Variants in AHCYL1 observed in about 807,000 individuals in gnomAD.
AHCYL1 encodes adenosylhomocysteinase like 1, also known as S-adenosylhomocysteine hydrolase-like protein 1.
In AHCYL1, 20 loss-of-function variants were observed where a neutral mutation model predicts 79.3. The ratio of observed to expected loss-of-function variants is 0.25; its 90% CI spans 0.18 to 0.37. AHCYL1 has a LOEUF of 0.37. Among genes scored for constraint, AHCYL1 ranks in the 10% least tolerant of loss-of-function variants. The pLI is 1.00. For missense variants in AHCYL1, 330 were observed against 673.6 expected, an observed-to-expected ratio of 0.49 and a Z score of 5.65; for synonymous variants, 223 against 242.2, an observed-to-expected ratio of 0.92 and a Z score of 0.74.
chr1:109,989,479 G>A lies in AHCYL1; in HGVS notation c.120+4307G>A, dbSNP rs527482054. On this transcript the variant is annotated intron_variant, in intron 1 of 16. Coordinates refer to ENST00000369799, the MANE Select transcript of AHCYL1 (RefSeq NM_006621.7). The stretch of plus-strand genomic sequence containing the variant: ...AGCGATCTTCCCACCTCAGCCTCCC[G>A]AAGTGCTGGGATTACAGGCAAGAGC... Among the ~76,000 whole-genome samples, 244 of 152,142 alleles carry A rather than the reference G, an allele frequency of 1.6e-3. 2 individuals are homozygous for A. Among genetic ancestry groups the A allele is most frequent in the East Asian group, 4.3e-3 (22 of 5,170 alleles).
At chr1:109,985,624 G>A in intron 1 of AHCYL1, 5 of 893,636 alleles carry the variant, frequency 5.6e-6, no homozygotes, top group Non-Finnish European at 6.7e-6. Context: ...GTGATAGCTG[G>A]GAGGCAAGAG....
intron 2 of AHCYL1, among the ~76,000 whole-genome samples, chr1:110,009,424 G>A (rs1016187548): frequency 5.3e-5 from 8 of 152,228 alleles, no homozygotes; most frequent in Non-Finnish European, 1.0e-4. Context: ...ACATTGATCC[G>A]CCCATTTCAA....
intron 1 of AHCYL1, among the ~76,000 whole-genome samples, chr1:109,990,689 C>G (rs535260760): frequency 6.6e-6 from 1 of 152,228 alleles, no homozygotes; most frequent in South Asian, 2.1e-4. Flanking sequence ...GATCTTAGAG[C>G]TTTTGATGGA....
chr1:110,018,298 A>G (rs933533508), intron 11 of AHCYL1, 75 bp from the exon 12 acceptor site: 24 of 1,424,016 alleles, frequency 1.7e-5, no homozygotes, highest in African/African-American at 2.8e-5. Context: ...CTGGTCTCCT[A>G]TGTTCTACCT....
At chr1:110,008,968 T>G (rs1557769091) in intron 1 of AHCYL1, 66 bp from the exon 2 acceptor site, 1 of 1,084,510 alleles carries the variant, frequency 9.2e-7, no homozygotes, top group East Asian at 3.0e-5. Context: ...AATGTATCCT[T>G]AAAAAAAAAA....
chr1:110,018,896 A>G (rs1014943055), intron 13 of AHCYL1, 155 bp from the exon 14 acceptor site: 1 of 789,212 alleles, frequency 1.3e-6, no homozygotes. Context: ...TTTGCAGAAA[A>G]TAGGAAAAAG....
chr1:110,012,430 G>A lies in AHCYL1; in HGVS notation c.445G>A (p.Val149Met), dbSNP rs752138598. Residue 149 changes from valine to methionine, a missense_variant, in exon 4 of 17, where the codon GTG becomes ATG. By Grantham distance (21) the Val-to-Met change is conservative. This residue lies in a region of AHCYL1 where 97 missense variants were observed against 176.3 expected (regional missense o/e 0.55). Transcript: ENST00000369799. ...GEKPLAGAKI[V>M]GCTHITAQTA... ...GAAGCCCTTGGCTGGTGCTAAAATAGTGGGCTGTACACACATCACAGCCCA... is the reference window on the plus strand; with the variant it reads ...GAAGCCCTTGGCTGGTGCTAAAATAATGGGCTGTACACACATCACAGCCCA... 1.9e-5 allele frequency: 31 copies of A among 1,613,784 alleles called. No homozygotes were observed. In the Admixed American group the frequency reaches 5.2e-4, roughly 27 times the overall value.
chr1:109,988,576 C>T (rs1649591191), intron 1 of AHCYL1, among the ~76,000 whole-genome samples: 1 of 152,052 alleles, frequency 6.6e-6, no homozygotes, highest in African/African-American at 2.4e-5. Context: ...AGTGTAAACC[C>T]AAATCTCCAA....
In AHCYL1 at chr1:109,984,817, G is replaced by C. The variant is rs187624731; in HGVS notation, c.-236G>C. ...GAGGTGGCGGCGCGGGCAGGTCGGA[G>C]CTCGGAGCTGCTGTTCTGGTTCTCT... On this transcript the variant is annotated 5_prime_UTR_variant, in exon 1 of 17. Transcript: ENST00000369799. The C allele has an allele frequency of 4.3e-5, 14 of 325,236 alleles. No homozygotes were observed. In the African/African-American group the frequency reaches 1.2e-3, roughly 27 times the overall value. The allele number at this position is 325,236 out of a possible 1,614,324, so 20.1% of individuals were successfully genotyped here. A position where few individuals can be genotyped will look rare whatever the true frequency, so the allele number is the denominator to read the frequency against.
At chr1:109,994,610 G>A (rs1049201232) in intron 1 of AHCYL1, among the ~76,000 whole-genome samples, 1 of 152,200 alleles carries the variant, frequency 6.6e-6, no homozygotes, top group African/African-American at 2.4e-5. Context: ...TTTGGAAGTT[G>A]AAATAGGTGC....
In AHCYL1 at chr1:109,985,025, G is replaced by A. The variant is rs993851476; in HGVS notation, c.-28G>A. ...AGGGGGAAAGAGGCGGGGGCGGCGG[G>A]TCAGCCGCTGGCCGGGCCGGCCGGG... On this transcript the variant is annotated 5_prime_UTR_variant, in exon 1 of 17. Coordinates refer to ENST00000369799, the MANE Select transcript of AHCYL1 (RefSeq NM_006621.7). The A allele has an allele frequency of 6.6e-7, 1 of 1,518,824 alleles. No homozygotes were observed. The highest frequency in any genetic ancestry group is 8.8e-7 in the Non-Finnish European group (1 of 1,132,530). 94.1% of individuals were successfully genotyped at this position (1,518,824 alleles called of 1,614,324 possible).
intron 2 of AHCYL1, among the ~76,000 whole-genome samples, chr1:110,010,166 G>A (rs999109934): frequency 2.0e-5 from 3 of 152,228 alleles, no homozygotes; most frequent in African/African-American, 7.2e-5. Context: ...TAAAACGACT[G>A]AAGAAGGCTT....
intron 1 of AHCYL1, chr1:110,004,115 C>T (rs1650492769): frequency 1.0e-6 from 1 of 985,306 alleles, no homozygotes; most frequent in Admixed American, 6.2e-5. Flanking sequence ...TTGAGTCCTA[C>T]TTTGAAAGGA....
intron 16 of AHCYL1, 109 bp downstream of exon 16, chr1:110,020,960 C>T (rs919924355): frequency 1.2e-5 from 17 of 1,472,984 alleles, no homozygotes; most frequent in South Asian, 4.2e-5. Flanking sequence ...TTGAAGAATA[C>T]AAGAAATCTG....
In AHCYL1 at chr1:109,985,061, G is replaced by T. The variant is rs1291262353; in HGVS notation, c.9G>T (p.Met3Ile). The T allele has an allele frequency of 1.9e-6, 3 of 1,600,938 alleles. No homozygotes were observed. Among genetic ancestry groups the T allele is most frequent in the South Asian group, 1.1e-5 (1 of 89,376 alleles). The change falls in exon 1 of 17, where the codon ATG (methionine) becomes ATT (isoleucine). Residue 3 changes from methionine (M) to isoleucine (I), a missense_variant. Met to Ile is a conservative substitution (Grantham distance 10). Around this residue, in one of 6 missense-constraint regions of AHCYL1, gnomAD observed 66 missense variants for 68.0 expected, o/e 0.97. Transcript: ENST00000369799. MS[M>I]PDAMPLPGVG... ...GCCGGGCCGGCCGGGGAATGTCGATGCCTGACGCGATGCCGCTGCCCGGGG... is the reference window on the plus strand; with the variant it reads ...GCCGGGCCGGCCGGGGAATGTCGATTCCTGACGCGATGCCGCTGCCCGGGG...
intron 2 of AHCYL1, 150 bp downstream of exon 2, chr1:110,009,295 C>T: frequency 1.5e-6 from 1 of 650,180 alleles, no homozygotes; most frequent in Non-Finnish European, 2.5e-6. Flanking sequence ...GAATGTTCTG[C>T]AGCCAAGCTA....
Position 109,985,016 on chromosome 1 carries a change from G to C in AHCYL1, c.-37G>C. 6.7e-7 allele frequency: 1 copy of C among 1,495,398 alleles called. No individual in the cohort carries two copies. The highest frequency in any genetic ancestry group is 1.4e-5 in the African/African-American group (1 of 69,074). The allele number at this position is 1,495,398 out of a possible 1,614,324, so 92.6% of individuals were successfully genotyped here. ...GGGCGCCAGAGGGGGAAAGAGGCGG[G>C]GGCGGCGGGTCAGCCGCTGGCCGGG... On this transcript the variant is annotated 5_prime_UTR_variant, in exon 1 of 17. Transcript: ENST00000369799.
At chr1:109,990,245 G>A (rs956224967) in intron 1 of AHCYL1, among the ~76,000 whole-genome samples, 8 of 152,152 alleles carry the variant, frequency 5.3e-5, no homozygotes, top group African/African-American at 1.7e-4. Context: ...AACAAGTGAC[G>A]TCCTTTTCTC....
Position 109,996,704 on chromosome 1 carries a change from C to T in AHCYL1, c.120+11532C>T, listed in dbSNP as rs192895058. Among the ~76,000 whole-genome samples the T allele has an allele frequency of 1.4e-4, 21 of 152,370 alleles. 1 individual carries two copies. The East Asian group carries it at 3.5e-3, about 25-fold the overall frequency. Reference sequence around the variant, plus strand: ...CAGTAGGTTTGTTACACCAGCATCACCACAAACATGTGAGTAATGCACTGC... The same window carrying T: ...CAGTAGGTTTGTTACACCAGCATCATCACAAACATGTGAGTAATGCACTGC... On this transcript the variant is annotated intron_variant, in intron 1 of 16. Coordinates refer to ENST00000369799, the MANE Select transcript of AHCYL1 (RefSeq NM_006621.7).
Sources: gnomAD v4.1 joint callset for allele counts (sites outside exome capture counted in the v4.1 genomes callset) on GRCh38, gnomAD v4.1.1 for gene constraint, gnomAD v4.1.1 regional missense constraint, MANE v1.5 for transcripts, NCBI Gene and HGNC (gene_info 2026-07-23, HGNC 2026-07-21) for gene names.